The following TSHZ2 variants were observed in gnomAD, a reference collection of about 807,000 sequenced individuals.
TSHZ2 encodes the protein teashirt zinc finger homeobox 2.
TSHZ2 carries 21 observed loss-of-function variants against 74.4 expected under a neutral mutation model. The observed-to-expected ratio is 0.28, with a 90% CI of 0.20 to 0.41. The LOEUF (loss-of-function observed/expected upper bound fraction) is 0.41. Among genes scored for constraint, TSHZ2 ranks in the 10% least tolerant of loss-of-function variants. The pLI is 1.00. For synonymous variants in TSHZ2, 540 were observed against 515.3 expected (o/e 1.05, Z -0.65); for missense variants, 1,244 against 1,293.5 (o/e 0.96, Z 0.59).
At chr20:53,335,144 A>G (rs941166012) in intron 2 of TSHZ2, among the ~76,000 whole-genome samples, 2 of 152,218 alleles carry the variant, frequency 1.3e-5, no homozygotes, top group Admixed American at 6.5e-5. Context: ...AAGCAGCGTC[A>G]GCATCGCCTG....
intron 2 of TSHZ2, among the ~76,000 whole-genome samples, chr20:53,474,952 A>C (rs1269352981): frequency 9.3e-5 from 13 of 140,116 alleles, no homozygotes; most frequent in Admixed American, 2.1e-4. Flanking sequence ...GAACAAGAAG[A>C]GCTAACTATC....
chr20:53,389,470 AGGT>A (rs1982171731), intron 2 of TSHZ2, among the ~76,000 whole-genome samples: 1 of 152,226 alleles, frequency 6.6e-6, no homozygotes, highest in South Asian at 2.1e-4. Context: ...GACTTCATTG[AGGT>A]GGTGATTTTC....
At position 53,255,051 on chromosome 20, in the gene TSHZ2, C is replaced by T. The variant is rs1462638615; in HGVS notation, c.1593C>T (p.Ala531=). The T allele has an allele frequency of 3.1e-6, 5 of 1,613,976 alleles. No homozygotes were observed. The highest frequency in any genetic ancestry group is 2.5e-6 in the Non-Finnish European group (3 of 1,180,028). The stretch of plus-strand genomic sequence containing the variant: ...CTGTCACCACAGCCATCAACAAAGC[C>T]CAAAACGGGGCCCCCAGCTGGAGTG... ...ENTVTTAINK[A]QNGAPSWSAY... is the part of the protein sequence containing the mutation. Residue 531 remains alanine (A), a synonymous_variant, in exon 2 of 3, where the codon GCC becomes GCT. Coordinates refer to ENST00000371497, the MANE Select transcript of TSHZ2 (RefSeq NM_173485.6). This position sits in a 1 kb window ranked among gnomAD's most constrained non-coding sequence, Gnocchi z 4.1.
At chr20:53,314,251 G>A (rs1010298010) in intron 2 of TSHZ2, among the ~76,000 whole-genome samples, 3 of 149,882 alleles carry the variant, frequency 2.0e-5, no homozygotes, top group Non-Finnish European at 4.5e-5. Flanking sequence ...TCACACCACT[G>A]CGCTCCAGCC....
At chr20:53,280,850 A>G (rs1991047346) in intron 2 of TSHZ2, among the ~76,000 whole-genome samples, 1 of 151,838 alleles carries the variant, frequency 6.6e-6, no homozygotes, top group South Asian at 2.1e-4. Flanking sequence ...GTGCCACGAC[A>G]CCCAGCTAAT....
chr20:53,042,653 G>C (rs1042305996), intron 1 of TSHZ2, among the ~76,000 whole-genome samples: 1 of 145,630 alleles, frequency 6.9e-6, no homozygotes, highest in Non-Finnish European at 1.5e-5. Context: ...CAGAACAACT[G>C]ACATTTATCC....
At chr20:53,460,918 A>G (rs372846025) in intron 2 of TSHZ2, among the ~76,000 whole-genome samples, 4,605 of 152,310 alleles carry the variant, frequency 0.03, 92 homozygotes, top group Non-Finnish European at 0.046. Context: ...CCAGCTGCGT[A>G]CTGGGAGAAC....
chr20:53,031,029 T>G (rs1351884792), intron 1 of TSHZ2, among the ~76,000 whole-genome samples: 1 of 152,212 alleles, frequency 6.6e-6, no homozygotes, highest in African/African-American at 2.4e-5. Flanking sequence ...TTTCTTTCTA[T>G]TCTAAACAAC....
chr20:53,023,347 G>A (rs901874686), intron 1 of TSHZ2, among the ~76,000 whole-genome samples: 9 of 152,194 alleles, frequency 5.9e-5, no homozygotes, highest in Middle Eastern at 3.4e-3. Flanking sequence ...AAATTGCAGC[G>A]GGAAGCAGAA....
At chr20:53,410,826 C>T (rs1318760750) in intron 2 of TSHZ2, among the ~76,000 whole-genome samples, 1 of 151,804 alleles carries the variant, frequency 6.6e-6, no homozygotes, top group Non-Finnish European at 1.5e-5. Flanking sequence ...CAGGCATGCA[C>T]CAGGACGCCT....
At chr20:53,089,559 G>C (rs1282976410) in intron 1 of TSHZ2, among the ~76,000 whole-genome samples, 1 of 152,102 alleles carries the variant, frequency 6.6e-6, no homozygotes, top group East Asian at 1.9e-4. Flanking sequence ...ACTGAGAAAA[G>C]ATTTGCCCTT....
At chr20:53,053,245 T>G (rs1016322195) in intron 1 of TSHZ2, among the ~76,000 whole-genome samples, 1 of 152,200 alleles carries the variant, frequency 6.6e-6, no homozygotes, top group Admixed American at 6.5e-5. Context: ...CAAATAATAT[T>G]TCATGAAATG....
rs111772314 is a variant in TSHZ2 at position 53,305,722 on chromosome 20, G to A, written c.*8+49151G>A. On this transcript the variant is annotated intron_variant, in intron 2 of 2. Transcript: ENST00000371497. Reference sequence around the variant, plus strand: ...TGGCCGGGTGCGGTGGCTCACTCCGGTAATCCCAGCACTTTGGGAGGCCTA... The same window carrying A: ...TGGCCGGGTGCGGTGGCTCACTCCGATAATCCCAGCACTTTGGGAGGCCTA... 1.4e-4 allele frequency among the ~76,000 whole-genome samples: 21 copies of A among 152,228 alleles called. 1 individual carries two copies. The highest frequency in any genetic ancestry group is 4.8e-4 in the African/African-American group (20 of 41,534).
At chr20:53,265,269 A>T (rs762389045) in intron 2 of TSHZ2, among the ~76,000 whole-genome samples, 38 of 152,212 alleles carry the variant, frequency 2.5e-4, no homozygotes, top group Non-Finnish European at 5.1e-4. Context: ...TGAGCCAGAC[A>T]GGGAAGGCAC....
intron 2 of TSHZ2, chr20:53,453,074 C>G (rs187571721): frequency 6.6e-6 from 1 of 152,328 alleles, no homozygotes; most frequent in Admixed American, 6.5e-5. Context: ...TCTCCATAAG[C>G]ATCCACTCCT....
chr20:53,229,666 C>T (rs1757011381), intron 1 of TSHZ2, among the ~76,000 whole-genome samples: 1 of 152,048 alleles, frequency 6.6e-6, no homozygotes, highest in African/African-American at 2.4e-5. Flanking sequence ...CCTCAGCTCC[C>T]TTCCTCTTTG....
At chr20:53,443,490 C>T (rs1984419731) in intron 2 of TSHZ2, among the ~76,000 whole-genome samples, 1 of 152,152 alleles carries the variant, frequency 6.6e-6, no homozygotes. Context: ...AAGAGATGTC[C>T]ATGCAAAGGG....
At chr20:53,050,402 G>T (rs1984418456) in intron 1 of TSHZ2, among the ~76,000 whole-genome samples, 1 of 151,944 alleles carries the variant, frequency 6.6e-6, no homozygotes, top group Admixed American at 6.6e-5. Context: ...TGATACCTTA[G>T]TCTGATACAT....
chr20:53,181,755 G>T (rs1310461182), intron 1 of TSHZ2, among the ~76,000 whole-genome samples: 1 of 152,132 alleles, frequency 6.6e-6, no homozygotes, highest in Non-Finnish European at 1.5e-5. Context: ...GGGCGTGGTG[G>T]TGGGCGCCTG....
Sources: gnomAD v4.1 joint callset for allele counts (sites outside exome capture counted in the v4.1 genomes callset) on GRCh38, gnomAD v4.1.1 for gene constraint, Gnocchi (gnomAD v3.1) non-coding constraint, MANE v1.5 for transcripts, NCBI Gene and HGNC (gene_info 2026-07-23, HGNC 2026-07-21) for gene names.